The following SLC24A2 variants were observed in gnomAD, a reference collection of about 807,000 sequenced individuals.
SLC24A2 encodes the protein solute carrier family 24 member 2.
SLC24A2 carries 36 observed loss-of-function variants against 62.0 expected under a neutral mutation model. The ratio of observed to expected loss-of-function variants is 0.58; its 90% CI spans 0.44 to 0.77. The LOEUF is 0.77. Among genes scored for constraint, SLC24A2 ranks in the 30% least tolerant of loss-of-function variants. The pLI is 0.00. For synonymous variants in SLC24A2, 358 were observed against 294.0 expected (o/e 1.22, Z -2.23); for missense variants, 846 against 817.9 (o/e 1.03, Z -0.42).
At chr9:20,048,473 C>A in the SLC24A2 span, among the ~76,000 whole-genome samples, 2 of 151,614 alleles carry the variant, frequency 1.3e-5, no homozygotes, top group African/African-American at 4.8e-5. Flanking sequence ...GAAATCAGCC[C>A]AAGCCAATGA....
At chr9:20,244,342 A>G in the SLC24A2 span, among the ~76,000 whole-genome samples, 1 of 152,190 alleles carries the variant, frequency 6.6e-6, no homozygotes, top group African/African-American at 2.4e-5. Flanking sequence ...CAGCATTGTA[A>G]AGAGCAGGAA....
rs7019698 is a variant in SLC24A2 at position 19,631,862 on chromosome 9, G to C, written c.931-9563C>G. Among the ~76,000 whole-genome samples the C allele has an allele frequency of 4.7e-3, 718 of 152,332 alleles. 9 individuals are homozygous for C. Among genetic ancestry groups the C allele is most frequent in the African/African-American group, 0.016 (678 of 41,570 alleles). Reference sequence around the variant, plus strand: ...GCTGTACGGGTCCTTTAACCTGAGAGAGCCAGTCTTTCTTTTGGTGGTCCA... The same window carrying C: ...GCTGTACGGGTCCTTTAACCTGAGACAGCCAGTCTTTCTTTTGGTGGTCCA... On this transcript the variant is annotated intron_variant, in intron 2 of 10. Transcript: ENST00000341998.
At chr9:19,836,729 G>C in the SLC24A2 span, among the ~76,000 whole-genome samples, 1 of 152,174 alleles carries the variant, frequency 6.6e-6, no homozygotes, top group South Asian at 2.1e-4. Context: ...CTCATTTTAT[G>C]AGGCCAGCAT....
At chr9:20,075,686 G>C in the SLC24A2 span, among the ~76,000 whole-genome samples, 1 of 96,344 alleles carries the variant, frequency 1.0e-5, no homozygotes. Context: ...CCCATGGCTT[G>C]CTTGAACAAT....
the SLC24A2 span, among the ~76,000 whole-genome samples, chr9:19,987,941 T>A: frequency 6.6e-6 from 1 of 152,192 alleles, no homozygotes; most frequent in Non-Finnish European, 1.5e-5. Flanking sequence ...GCTTAAAACT[T>A]GGAATTTATT....
In SLC24A2 at chr9:19,586,771, C is replaced by T. The variant is rs1044520843; in HGVS notation, c.1130-9749G>A. Among the ~76,000 whole-genome samples, 3 of 152,236 alleles carry T rather than the reference C, an allele frequency of 2.0e-5. No homozygotes were observed. The East Asian group carries it at 5.8e-4, about 29-fold the overall frequency. ...TGATGTTCTTTATCATTTTAGATCA[C>T]CTGCTTCATTGTTTTAGGAACTTAA... On this transcript the variant is annotated intron_variant, in intron 5 of 10. Coordinates refer to ENST00000341998, the MANE Select transcript of SLC24A2 (RefSeq NM_020344.4).
intron 8 of SLC24A2, among the ~76,000 whole-genome samples, chr9:19,543,248 T>G (rs1448476515): frequency 6.6e-6 from 1 of 152,214 alleles, no homozygotes; most frequent in African/African-American, 2.4e-5. Flanking sequence ...GATGGTAGTT[T>G]GTATTTCTGT....
chr9:19,603,036 A>C (rs1332560492), intron 4 of SLC24A2, among the ~76,000 whole-genome samples: 1 of 152,172 alleles, frequency 6.6e-6, no homozygotes, highest in East Asian at 1.9e-4. Flanking sequence ...GATAGTGAAA[A>C]AATATGATTT....
the SLC24A2 span, among the ~76,000 whole-genome samples, chr9:19,982,891 A>G: frequency 6.6e-6 from 1 of 152,240 alleles, no homozygotes; most frequent in Non-Finnish European, 1.5e-5. Flanking sequence ...AATCAATTTA[A>G]TACACCACAT....
At chr9:19,961,138 GGGGA>G in the SLC24A2 span, among the ~76,000 whole-genome samples, 2 of 62,302 alleles carry the variant, frequency 3.2e-5, no homozygotes, top group African/African-American at 1.1e-4. Flanking sequence ...ACAGAAGAAA[GGGGA>G]GAGAGAGAGA....
chr9:19,918,819 T>A, the SLC24A2 span, among the ~76,000 whole-genome samples: 1 of 152,230 alleles, frequency 6.6e-6, no homozygotes, highest in African/African-American at 2.4e-5. Flanking sequence ...TCAGAGGAAC[T>A]GCCCTTACCA....
At position 19,643,173 on chromosome 9, in the gene SLC24A2, A is replaced by G. The variant is rs546094828; in HGVS notation, c.931-20874T>C. 2.1e-3 allele frequency among the ~76,000 whole-genome samples: 324 copies of G among 152,046 alleles called. 1 individual carries two copies. Among genetic ancestry groups the G allele is most frequent in the Non-Finnish European group, 3.1e-3 (214 of 67,962 alleles). The stretch of plus-strand genomic sequence containing the variant: ...CCTATTAATATGAATATTTTATCTA[A>G]ATGTTACCCATTTAAAAATTATAAA... On this transcript the variant is annotated intron_variant, in intron 2 of 10. Transcript: ENST00000341998.
At chr9:20,190,056 T>G in the SLC24A2 span, among the ~76,000 whole-genome samples, 1 of 152,154 alleles carries the variant, frequency 6.6e-6, no homozygotes, top group Admixed American at 6.5e-5. Context: ...AGGGGTTAAT[T>G]AATTTCCTCT....
At chr9:19,625,693 T>TC in intron 2 of SLC24A2, among the ~76,000 whole-genome samples, 1 of 131,242 alleles carries the variant, frequency 7.6e-6, no homozygotes, top group Non-Finnish European at 1.8e-5. Flanking sequence ...TTTCTTTTCT[T>TC]TTTTTTTTTT....
At chr9:19,528,533 G>T (rs1271215849) in intron 8 of SLC24A2, among the ~76,000 whole-genome samples, 1 of 151,944 alleles carries the variant, frequency 6.6e-6, no homozygotes, top group African/African-American at 2.4e-5. Flanking sequence ...GTCAGAATCA[G>T]TTTCTATTGC....
intron 2 of SLC24A2, among the ~76,000 whole-genome samples, chr9:19,665,425 G>C (rs984782703): frequency 6.6e-6 from 1 of 152,096 alleles, no homozygotes; most frequent in Non-Finnish European, 1.5e-5. Flanking sequence ...AACTGGGTGG[G>C]TGTTTATGCC....
At chr9:20,182,021 G>T in the SLC24A2 span, among the ~76,000 whole-genome samples, 1 of 152,124 alleles carries the variant, frequency 6.6e-6, no homozygotes, top group Non-Finnish European at 1.5e-5. Flanking sequence ...ACAGACATAT[G>T]AAAAAATGCT....
chr9:20,246,949 C>T, the SLC24A2 span, among the ~76,000 whole-genome samples: 3 of 152,200 alleles, frequency 2.0e-5, no homozygotes, highest in African/African-American at 7.2e-5. Context: ...GGAGATAGCA[C>T]CAGGATCCCT....
chr9:19,757,247 T>A (rs1188125721), intron 2 of SLC24A2, among the ~76,000 whole-genome samples: 1 of 152,002 alleles, frequency 6.6e-6, no homozygotes, highest in African/African-American at 2.4e-5. Flanking sequence ...GCATGGGGAT[T>A]GTTGTGTATT....
Sources: allele counts gnomAD v4.1 joint callset (sites outside exome capture counted in the v4.1 genomes callset), GRCh38; gene constraint gnomAD v4.1.1; transcripts MANE v1.5; gene names NCBI Gene and HGNC (gene_info 2026-07-23, HGNC 2026-07-21).